The following DHRS3 variants were observed in gnomAD, a reference collection of about 807,000 sequenced individuals.
DHRS3 encodes the protein short-chain dehydrogenase/reductase 3.
A neutral mutation model predicts 27.2 loss-of-function variants in DHRS3; 14 were observed. The ratio of observed to expected loss-of-function variants is 0.52; its 90% CI spans 0.34 to 0.81. The LOEUF (loss-of-function observed/expected upper bound fraction) is 0.81. DHRS3 is among the 30% of genes least tolerant of loss of function. DHRS3 has a pLI of 0.01. For missense variants in DHRS3, 322 were observed against 406.2 expected, an observed-to-expected ratio of 0.79 and a Z score of 1.78; for synonymous variants, 165 against 175.9, an observed-to-expected ratio of 0.94 and a Z score of 0.49.
At chr1:12,604,992 G>A (rs12085705) in intron 1 of DHRS3, among the ~76,000 whole-genome samples, 66,770 of 150,028 alleles carry the variant, frequency 0.45, 15,784 homozygotes, top group South Asian at 0.54. Flanking sequence ...CAGGAGAATC[G>A]TTTGAACCCG....
intron 1 of DHRS3, among the ~76,000 whole-genome samples, chr1:12,613,482 C>T (rs1646923697): frequency 6.6e-6 from 1 of 152,206 alleles, no homozygotes; most frequent in Non-Finnish European, 1.5e-5. Context: ...GGTAGGTTTG[C>T]TAAGCTAGGT....
chr1:12,578,983 G>T lies in DHRS3; in HGVS notation c.460-27C>A. 1.3e-6 allele frequency: 2 copies of T among 1,589,160 alleles called. No individual in the cohort carries two copies. Among genetic ancestry groups the T allele is most frequent in the South Asian group, 2.2e-5 (2 of 90,264 alleles). On this transcript the variant is annotated intron_variant, in intron 3 of 5. Transcript: ENST00000616661. This position sits in a 1 kb window ranked among gnomAD's most constrained non-coding sequence, Gnocchi z 4.5. ...TGAGGGCAGATGGGGTGTCAGGGTGGAGCAGCTGCAGCTCTGACAACCCCT... is the reference window on the plus strand; with the variant it reads ...TGAGGGCAGATGGGGTGTCAGGGTGTAGCAGCTGCAGCTCTGACAACCCCT...
rs1223925525 is a variant in DHRS3, at chr1:12,594,829, T to C, written c.196-14163A>G. Among the ~76,000 whole-genome samples the C allele has an allele frequency of 6.6e-6, 1 of 152,090 alleles. No homozygotes were observed. The highest frequency in any genetic ancestry group is 1.5e-5 in the Non-Finnish European group (1 of 68,006). On this transcript the variant is annotated intron_variant, in intron 1 of 5. Coordinates refer to ENST00000616661, the MANE Select transcript of DHRS3 (RefSeq NM_004753.7). The surrounding 1 kb of genome is among the most constrained non-coding windows in gnomAD (Gnocchi z 4.1). ...AGGAGAAAAAAGACAGCCTCTGACA[T>C]GAAGCTGGAAGGGGCTGGGCTGGGA...
chr1:12,615,609 G>C (rs1646939379), intron 1 of DHRS3, among the ~76,000 whole-genome samples: 2 of 152,136 alleles, frequency 1.3e-5, no homozygotes, highest in Non-Finnish European at 2.9e-5. Flanking sequence ...CCAGGACTTG[G>C]GCCAGCTGGA....
At chr1:12,587,879 C>T (rs942004103) in intron 1 of DHRS3, among the ~76,000 whole-genome samples, 7 of 152,306 alleles carry the variant, frequency 4.6e-5, no homozygotes, top group Non-Finnish European at 7.4e-5. Flanking sequence ...TGGTGCTCTT[C>T]GGGGGCCCTC....
In DHRS3 at chr1:12,579,384, T is replaced by C; in HGVS notation, c.368A>G (p.Asn123Ser). 3 of 1,614,144 alleles carry C rather than the reference T, an allele frequency of 1.9e-6. No homozygotes were observed. Among genetic ancestry groups the C allele is most frequent in the Non-Finnish European group, 1.7e-6 (2 of 1,180,010 alleles). ...GCTCTTCCCATGGACCACGGCGGCA[T>C]TGTTCACCAGGATGGTGATGTCACC... The part of the protein sequence containing the change: ...KVGDITILVN[N>S]AAVVHGKSLM... Residue 123 changes from asparagine (N) to serine (S), a missense_variant, in exon 3 of 6, where the codon AAT becomes AGT. Transcript: ENST00000616661.
intron 1 of DHRS3, among the ~76,000 whole-genome samples, chr1:12,596,687 T>C (rs1445110074): frequency 6.6e-6 from 1 of 152,160 alleles, no homozygotes; most frequent in Non-Finnish European, 1.5e-5. Context: ...TGTGTGACTT[T>C]TGGATGAGTC....
chr1:12,581,949 T>C (rs1426570734), intron 1 of DHRS3, among the ~76,000 whole-genome samples: 2 of 152,124 alleles, frequency 1.3e-5, no homozygotes, highest in Non-Finnish European at 2.9e-5. Flanking sequence ...TTAAAAAATA[T>C]CCAACGTGGA....
At chr1:12,601,379 G>C (rs1490125381) in intron 1 of DHRS3, among the ~76,000 whole-genome samples, 1 of 152,112 alleles carries the variant, frequency 6.6e-6, no homozygotes, top group Non-Finnish European at 1.5e-5. Context: ...ACACCTGTCT[G>C]TCTACTTGAA....
At chr1:12,616,749 A>C in intron 1 of DHRS3, 2 of 1,007,658 alleles carry the variant, frequency 2.0e-6, no homozygotes, top group African/African-American at 3.5e-5. Context: ...GGCGCCAGCT[A>C]GCAGGCGGCT....
intron 1 of DHRS3, 46 bp downstream of exon 1, chr1:12,617,108 C>T: frequency 8.9e-6 from 14 of 1,572,212 alleles, no homozygotes; most frequent in South Asian, 1.1e-5. Context: ...TGGGCTTACC[C>T]CCGCCCCTGC....
chr1:12,611,347 C>G (rs1646908006), intron 1 of DHRS3, among the ~76,000 whole-genome samples: 1 of 152,158 alleles, frequency 6.6e-6, no homozygotes, highest in African/African-American at 2.4e-5. Context: ...AGAAAAAAAC[C>G]AGGAAATTTT....
chr1:12,603,645 G>T (rs1319851442), intron 1 of DHRS3, among the ~76,000 whole-genome samples: 3 of 152,190 alleles, frequency 2.0e-5, no homozygotes, highest in Non-Finnish European at 4.4e-5. Flanking sequence ...GTGGTTGGGG[G>T]AGGTGGGACG....
intron 1 of DHRS3, among the ~76,000 whole-genome samples, chr1:12,602,872 C>T (rs935768618): frequency 6.6e-6 from 1 of 152,266 alleles, no homozygotes; most frequent in African/African-American, 2.4e-5. Context: ...TGGCCGGAGC[C>T]GGCCTCTACC....
chr1:12,587,809 T>C (rs976210479), intron 1 of DHRS3, among the ~76,000 whole-genome samples: 3 of 152,240 alleles, frequency 2.0e-5, no homozygotes, highest in Non-Finnish European at 4.4e-5. Flanking sequence ...ATAGATTCTT[T>C]ACACACAGGT....
chr1:12,580,136 A>T (rs983098366), intron 2 of DHRS3: 26 of 316,884 alleles, frequency 8.2e-5, no homozygotes, highest in Non-Finnish European at 1.5e-4. Context: ...GCGACATAAA[A>T]ACAGTTAACA....
At chr1:12,579,474 T>A in intron 2 of DHRS3, 62 bp from the exon 3 acceptor site, 1 of 1,578,956 alleles carries the variant, frequency 6.3e-7, no homozygotes, top group South Asian at 1.2e-5. Flanking sequence ...ACGATATATG[T>A]TTTTTGTTTG....
chr1:12,603,120 A>C (rs1168567581), intron 1 of DHRS3, among the ~76,000 whole-genome samples: 1 of 152,156 alleles, frequency 6.6e-6, no homozygotes, highest in African/African-American at 2.4e-5. Flanking sequence ...GAGGTAGAGG[A>C]GGTGCCGAGG....
chr1:12,608,811 G>T lies in DHRS3; in HGVS notation c.195+8343C>A, dbSNP rs1318538426. On this transcript the variant is annotated intron_variant, in intron 1 of 5. Transcript: ENST00000616661. The surrounding 1 kb of genome is among the most constrained non-coding windows in gnomAD (Gnocchi z 4.1). ...TAGCATGGGCCTCCAGAACCATCTA[G>T]AACAGGTCCCATGCCTCTGTGGTAC... 2.0e-5 allele frequency among the ~76,000 whole-genome samples: 3 copies of T among 152,202 alleles called. No individual in the cohort carries two copies. Among genetic ancestry groups the T allele is most frequent in the Non-Finnish European group, 4.4e-5 (3 of 68,036 alleles).
Sources: gnomAD v4.1 joint callset for allele counts (sites outside exome capture counted in the v4.1 genomes callset) on GRCh38, gnomAD v4.1.1 for gene constraint, Gnocchi (gnomAD v3.1) non-coding constraint, MANE v1.5 for transcripts, NCBI Gene and HGNC (gene_info 2026-07-23, HGNC 2026-07-21) for gene names.